The following KRABD1 variants were observed in gnomAD, a reference collection of about 807,000 sequenced individuals.
The protein encoded by KRABD1 is KRAB domain containing 1, also known as KRAB domain-containing protein 1.
chr3:42,937,181 CACT>C, the KRABD1 span: 2 of 152,046 alleles, frequency 1.3e-5, no homozygotes, highest in South Asian at 4.2e-4. Context: ...ACTTTTACTC[CACT>C]GTCATAATTT....
chr3:42,936,789 G>A, the KRABD1 span: 1 of 152,332 alleles, frequency 6.6e-6, no homozygotes, highest in African/African-American at 2.4e-5. Context: ...CCCGGATGCG[G>A]AAACCCCAAC....
At chr3:42,939,040 A>AG in the KRABD1 span, 1 of 747,970 alleles carries the variant, frequency 1.3e-6, no homozygotes, top group Non-Finnish European at 2.1e-6. Flanking sequence ...TATATATAAC[A>AG]TACTTTTATA....
At chr3:42,941,790 G>T in the KRABD1 span, among the ~76,000 whole-genome samples, 1 of 152,054 alleles carries the variant, frequency 6.6e-6, no homozygotes, top group Non-Finnish European at 1.5e-5. Flanking sequence ...GAACCATCCT[G>T]ACTCTTCTTC....
At chr3:42,941,390 C>A in the KRABD1 span, 1 of 1,537,614 alleles carries the variant, frequency 6.5e-7, no homozygotes, top group South Asian at 1.2e-5. Context: ...CTTGGGCCCT[C>A]AGGTTGAAGG....
chr3:42,941,140 T>A, the KRABD1 span: 2 of 1,320,716 alleles, frequency 1.5e-6, no homozygotes, highest in South Asian at 3.0e-5. Flanking sequence ...GTATCATTTG[T>A]AGATGCCCTT....
chr3:42,941,160 C>G, the KRABD1 span: 46 of 1,486,092 alleles, frequency 3.1e-5, no homozygotes, highest in African/African-American at 4.8e-4. Flanking sequence ...TCTCAGGTCT[C>G]TCATTGGCAG....
chr3:42,938,674 A>G, the KRABD1 span: 3 of 418,182 alleles, frequency 7.2e-6, no homozygotes, highest in African/African-American at 3.9e-5. Context: ...GGATGATTCT[A>G]CCTCCTTTTT....
chr3:42,940,076 A>G, the KRABD1 span, among the ~76,000 whole-genome samples: 1 of 152,134 alleles, frequency 6.6e-6, no homozygotes, highest in Non-Finnish European at 1.5e-5. Context: ...CATCATCAAG[A>G]TGTTCTTCTG....
the KRABD1 span, chr3:42,936,419 C>G: frequency 1.3e-5 from 2 of 152,216 alleles, no homozygotes; most frequent in African/African-American, 4.8e-5. Context: ...ACCATCTCTG[C>G]TTGCTGAAAA....
chr3:42,942,145 G>A, the KRABD1 span: 3 of 1,009,908 alleles, frequency 3.0e-6, no homozygotes, highest in Non-Finnish European at 4.5e-6. Flanking sequence ...TGAAAGGTGT[G>A]TGTTCTCTGT....
At chr3:42,938,755 T>G in the KRABD1 span, 1 of 496,614 alleles carries the variant, frequency 2.0e-6, no homozygotes, top group Non-Finnish European at 3.6e-6. Flanking sequence ...GAACGGTTAT[T>G]GATATAGCCT....
At chr3:42,938,844 C>CTTCA in the KRABD1 span, 11 of 1,362,240 alleles carry the variant, frequency 8.1e-6, no homozygotes, top group South Asian at 1.3e-4. Flanking sequence ...TTTTCTTTAC[C>CTTCA]TTCAGCACCT....
the KRABD1 span, chr3:42,937,394 CT>C: frequency 6.6e-6 from 1 of 152,206 alleles, no homozygotes. Context: ...GATGATTTCC[CT>C]TTCGCAGATT....
chr3:42,938,603 T>C, the KRABD1 span: 1 of 305,896 alleles, frequency 3.3e-6, no homozygotes, highest in Non-Finnish European at 6.3e-6. Context: ...TCCTGTGATG[T>C]ATTCTATGGA....
chr3:42,938,362 G>T, the KRABD1 span: 1 of 152,212 alleles, frequency 6.6e-6, no homozygotes, highest in Admixed American at 6.5e-5. Flanking sequence ...CATTACTTCA[G>T]TCATAGAAAC....
At chr3:42,940,110 G>T in the KRABD1 span, among the ~76,000 whole-genome samples, 2 of 152,128 alleles carry the variant, frequency 1.3e-5, no homozygotes, top group Admixed American at 1.3e-4. Context: ...AAGATTTATT[G>T]TTTTACCTTT....
the KRABD1 span, chr3:42,941,404 CT>C: frequency 6.7e-7 from 1 of 1,494,356 alleles, no homozygotes; most frequent in Admixed American, 2.1e-5. Flanking sequence ...TTGAAGGGCT[CT>C]TTTATAATTA....
chr3:42,942,587 T>C, the KRABD1 span: 1 of 1,447,114 alleles, frequency 6.9e-7, no homozygotes, highest in Non-Finnish European at 9.2e-7. Flanking sequence ...CAGTGTTACG[T>C]AGAATAGTAT....
the KRABD1 span, chr3:42,941,876 GC>G: frequency 8.4e-6 from 7 of 832,172 alleles, no homozygotes; most frequent in South Asian, 8.7e-5. Context: ...CACCTCCCTT[GC>G]TTGTTCTTGT....
Sources: gnomAD v4.1 joint callset for allele counts (sites outside exome capture counted in the v4.1 genomes callset) on GRCh38, gnomAD v4.1.1 for gene constraint, MANE v1.5 for transcripts, NCBI Gene and HGNC (gene_info 2026-07-23, HGNC 2026-07-21) for gene names.